The following WDR27 variants were observed in gnomAD, a reference collection of about 807,000 sequenced individuals.
The protein encoded by WDR27 is WD repeat-containing protein 27.
A neutral mutation model predicts 114.4 loss-of-function variants in WDR27; 100 were observed. The observed-to-expected ratio is 0.87, with a 90% confidence interval of 0.74 to 1.03. WDR27 has a LOEUF of 1.03. WDR27 is among the 50% of genes least tolerant of loss of function. The pLI, the probability that WDR27 is intolerant of heterozygous loss-of-function variation, is 0.00. For missense variants in WDR27, 1,129 were observed against 1,092.9 expected, an observed-to-expected ratio of 1.03 and a Z score of -0.47; for synonymous variants, 449 against 423.1, an observed-to-expected ratio of 1.06 and a Z score of -0.75.
At chr6:169,469,802 C>T (rs1413674705) in intron 25 of WDR27, among the ~76,000 whole-genome samples, 8 of 152,232 alleles carry the variant, frequency 5.3e-5, no homozygotes, top group African/African-American at 1.7e-4. Context: ...AATGTTTCCA[C>T]TGGTATAATC....
intron 24 of WDR27, among the ~76,000 whole-genome samples, chr6:169,578,905 G>A (rs1158637167): frequency 1.3e-5 from 2 of 152,194 alleles, no homozygotes; most frequent in African/African-American, 4.8e-5. Context: ...TTATGAAGGA[G>A]TAAGAAGTGT....
intron 25 of WDR27, among the ~76,000 whole-genome samples, chr6:169,572,105 A>T (rs1801520991): frequency 6.6e-6 from 1 of 152,224 alleles, no homozygotes; most frequent in South Asian, 2.1e-4. Context: ...ACAAAAAGCC[A>T]AACCAAATCT....
the WDR27 span, among the ~76,000 whole-genome samples, chr6:169,435,189 C>T: frequency 6.6e-6 from 1 of 152,224 alleles, no homozygotes; most frequent in Non-Finnish European, 1.5e-5. Context: ...GGAACCTCCA[C>T]CTCAATTTCA....
At chr6:169,547,498 C>T (rs985170886) in intron 25 of WDR27, among the ~76,000 whole-genome samples, 1 of 152,140 alleles carries the variant, frequency 6.6e-6, no homozygotes, top group Non-Finnish European at 1.5e-5. Flanking sequence ...GGATTTATCC[C>T]AGGTATGCAA....
At position 169,649,269 on chromosome 6, in the gene WDR27, A is replaced by G. The variant is rs143985784; in HGVS notation, c.1488T>C (p.Thr496=). The G allele has an allele frequency of 3.5e-5, 55 of 1,570,094 alleles. 1 individual carries two copies. In the Admixed American group the frequency reaches 6.0e-4, roughly 17 times the overall value. Residue 496 remains threonine (T), a synonymous_variant, in exon 15 of 26, where the codon ACT becomes ACC. Coordinates refer to ENST00000448612, the MANE Select transcript of WDR27 (RefSeq NM_182552.5). ...SSGYASAPHV[T]MFSPKTNIKS... ...TGATGTTGGTCTTTGGTGAAAACATAGTTACACTGTGGAAAGAAAACTCTA... is the reference window on the plus strand; with the variant it reads ...TGATGTTGGTCTTTGGTGAAAACATGGTTACACTGTGGAAAGAAAACTCTA...
chr6:169,600,955 T>C (rs1807862539), intron 23 of WDR27, among the ~76,000 whole-genome samples: 1 of 152,008 alleles, frequency 6.6e-6, no homozygotes, highest in Admixed American at 6.5e-5. Context: ...ATTCAGGAAA[T>C]ACAGAGAACG....
chr6:169,644,438 A>G (rs190582331), intron 16 of WDR27, among the ~76,000 whole-genome samples: 3 of 144,984 alleles, frequency 2.1e-5, no homozygotes, highest in African/African-American at 5.3e-5. Context: ...GTCACACTGT[A>G]GAAAAGCCTA....
chr6:169,603,141 C>T (rs1331300230), intron 22 of WDR27, among the ~76,000 whole-genome samples: 1 of 146,170 alleles, frequency 6.8e-6, no homozygotes, highest in Admixed American at 6.9e-5. Context: ...CACACCTAGC[C>T]AAGATAATTC....
intron 13 of WDR27, among the ~76,000 whole-genome samples, chr6:169,657,419 C>T (rs2128254770): frequency 6.6e-6 from 1 of 152,256 alleles, no homozygotes; most frequent in South Asian, 2.1e-4. Context: ...CTAGCCGAGC[C>T]CGGCCCGGGG....
At chr6:169,451,711 T>C in the WDR27 span, among the ~76,000 whole-genome samples, 96 of 152,382 alleles carry the variant, frequency 6.3e-4, no homozygotes, top group Non-Finnish European at 1.1e-3. Flanking sequence ...GTTTAAGTTA[T>C]TGATATTGTT....
chr6:169,676,799 C>T (rs542634158), intron 2 of WDR27, among the ~76,000 whole-genome samples: 4 of 152,298 alleles, frequency 2.6e-5, no homozygotes, highest in South Asian at 2.1e-4. Context: ...TGAACTGTCC[C>T]ACCTTTCTGG....
rs555076169 is a variant in WDR27 at position 169,593,746 on chromosome 6, G to T, written c.2424+8473C>A. 4.6e-5 allele frequency among the ~76,000 whole-genome samples: 7 copies of T among 152,206 alleles called. No homozygotes were observed. In the South Asian group the frequency reaches 1.0e-3, roughly 23 times the overall value. On this transcript the variant is annotated intron_variant, in intron 23 of 25. Coordinates refer to ENST00000448612, the MANE Select transcript of WDR27 (RefSeq NM_182552.5). ...CGCCTGTAATCCCAGCTACTCAGGAGGCTGAGGCAGGAGAACCTCTTGAAC... is the reference window on the plus strand; with the variant it reads ...CGCCTGTAATCCCAGCTACTCAGGATGCTGAGGCAGGAGAACCTCTTGAAC...
intron 24 of WDR27, among the ~76,000 whole-genome samples, chr6:169,576,495 A>G (rs1208585877): frequency 6.6e-6 from 1 of 152,240 alleles, no homozygotes; most frequent in African/African-American, 2.4e-5. Context: ...ATGGTGGCAT[A>G]TAGACCTGTA....
chr6:169,685,760 A>G (rs1782764319), intron 2 of WDR27, among the ~76,000 whole-genome samples: 2 of 152,228 alleles, frequency 1.3e-5, no homozygotes, highest in Non-Finnish European at 1.5e-5. Flanking sequence ...GCAGAAGAAG[A>G]TAAGGGAGAA....
intron 25 of WDR27, among the ~76,000 whole-genome samples, chr6:169,472,489 G>A (rs1393758326): frequency 6.6e-6 from 1 of 152,128 alleles, no homozygotes; most frequent in African/African-American, 2.4e-5. Flanking sequence ...CTCAGTTTAG[G>A]ACAATTATTG....
intron 5 of WDR27, 103 bp downstream of exon 5, chr6:169,667,879 A>G: frequency 2.7e-6 from 3 of 1,121,574 alleles, no homozygotes; most frequent in Non-Finnish European, 3.7e-6. Context: ...AAACAACATC[A>G]CTCAGGCGGC....
chr6:169,500,160 T>C (rs1790961958), intron 25 of WDR27, among the ~76,000 whole-genome samples: 1 of 152,188 alleles, frequency 6.6e-6, no homozygotes, highest in Non-Finnish European at 1.5e-5. Flanking sequence ...TTGCAGAGAT[T>C]AGCACCACAA....
At chr6:169,660,353 G>A (rs1034953861) in intron 10 of WDR27, among the ~76,000 whole-genome samples, 2 of 152,178 alleles carry the variant, frequency 1.3e-5, no homozygotes, top group Non-Finnish European at 2.9e-5. Flanking sequence ...AGAATCCAGG[G>A]GCTTCCCAAG....
At chr6:169,452,690 G>A (rs936068702), downstream of WDR27, among the ~76,000 whole-genome samples, 4 of 152,238 alleles carry the variant, frequency 2.6e-5, no homozygotes, top group African/African-American at 9.6e-5. Context: ...GCTGGAGAGG[G>A]GAGACCCAGG....
Sources: gnomAD v4.1 joint callset for allele counts (sites outside exome capture counted in the v4.1 genomes callset) on GRCh38, gnomAD v4.1.1 for gene constraint, MANE v1.5 for transcripts, NCBI Gene and HGNC (gene_info 2026-07-23, HGNC 2026-07-21) for gene names.